QTMAN: variants seen among roughly 807,000 people sequenced by gnomAD.
QTMAN encodes queuosine-tRNA mannosyltransferase.
At chr2:144,092,237 A>T in the QTMAN span, among the ~76,000 whole-genome samples, 1 of 150,370 alleles carries the variant, frequency 6.7e-6, no homozygotes, top group Non-Finnish European at 1.5e-5. Context: ...GTGCAGTGGC[A>T]TGATCTCGGC....
the QTMAN span, among the ~76,000 whole-genome samples, chr2:144,208,201 C>T: frequency 1.3e-5 from 2 of 152,306 alleles, no homozygotes; most frequent in East Asian, 1.9e-4. Flanking sequence ...TCTCATTGCA[C>T]TTGCCTATCT....
the QTMAN span, chr2:143,944,761 C>T: frequency 5.9e-5 from 9 of 152,186 alleles, no homozygotes; most frequent in African/African-American, 1.4e-4. Flanking sequence ...AGCTTTTGTC[C>T]TGGAAGGAAT....
chr2:144,151,488 C>T, the QTMAN span, among the ~76,000 whole-genome samples: 2 of 151,824 alleles, frequency 1.3e-5, no homozygotes, highest in Non-Finnish European at 1.5e-5. Flanking sequence ...AAGAAGACAG[C>T]AAGAAGAAAA....
At chr2:144,254,414 T>A in the QTMAN span, among the ~76,000 whole-genome samples, 1 of 152,106 alleles carries the variant, frequency 6.6e-6, no homozygotes, top group African/African-American at 2.4e-5. Context: ...AGGGTGAGAC[T>A]CTGTCTCTAA....
chr2:144,057,636 T>C, the QTMAN span, among the ~76,000 whole-genome samples: 1 of 152,226 alleles, frequency 6.6e-6, no homozygotes, highest in Non-Finnish European at 1.5e-5. Context: ...CATGTGTCTA[T>C]GTTGATTTTT....
At chr2:144,016,596 A>C in the QTMAN span, among the ~76,000 whole-genome samples, 1 of 152,182 alleles carries the variant, frequency 6.6e-6, no homozygotes, top group Non-Finnish European at 1.5e-5. Flanking sequence ...GAAACCCTAA[A>C]AATGGTCTCT....
At chr2:144,238,344 C>G in the QTMAN span, among the ~76,000 whole-genome samples, 1 of 152,186 alleles carries the variant, frequency 6.6e-6, no homozygotes, top group Non-Finnish European at 1.5e-5. Flanking sequence ...CTCATAGACT[C>G]TAAGTAGCAA....
the QTMAN span, among the ~76,000 whole-genome samples, chr2:144,072,683 A>T: frequency 1.6e-4 from 25 of 152,332 alleles, no homozygotes; most frequent in African/African-American, 5.8e-4. Context: ...ACAGAATCAG[A>T]CAACAGAGAG....
chr2:144,286,199 T>A, the QTMAN span, among the ~76,000 whole-genome samples: 4 of 152,326 alleles, frequency 2.6e-5, no homozygotes, highest in South Asian at 4.1e-4. Flanking sequence ...CCACATCATC[T>A]AACACAAAGT....
the QTMAN span, among the ~76,000 whole-genome samples, chr2:144,075,973 G>A: frequency 6.6e-6 from 1 of 152,230 alleles, no homozygotes; most frequent in Admixed American, 6.5e-5. Flanking sequence ...TGTATGCCGG[G>A]TGCAGTGGCT....
chr2:144,141,599 A>G, the QTMAN span, among the ~76,000 whole-genome samples: 97 of 150,596 alleles, frequency 6.4e-4, no homozygotes, highest in African/African-American at 1.5e-3. Flanking sequence ...AAAAAAAAAA[A>G]AAAGAAAGAA....
At chr2:144,039,914 T>C in the QTMAN span, among the ~76,000 whole-genome samples, 1 of 152,230 alleles carries the variant, frequency 6.6e-6, no homozygotes, top group Non-Finnish European at 1.5e-5. Context: ...TGACAAAATG[T>C]CATTGAAGCT....
the QTMAN span, among the ~76,000 whole-genome samples, chr2:144,320,218 G>A: frequency 6.6e-6 from 1 of 152,142 alleles, no homozygotes; most frequent in Non-Finnish European, 1.5e-5. Context: ...TCAGGCTATA[G>A]TGGCCAACTT....
chr2:144,054,028 A>C, the QTMAN span, among the ~76,000 whole-genome samples: 1 of 151,860 alleles, frequency 6.6e-6, no homozygotes, highest in African/African-American at 2.4e-5. Flanking sequence ...TCTACTAAAA[A>C]ATACAAAAAA....
chr2:144,034,017 G>C, the QTMAN span, among the ~76,000 whole-genome samples: 1 of 152,166 alleles, frequency 6.6e-6, no homozygotes, highest in African/African-American at 2.4e-5. Flanking sequence ...GTAAGTCTTC[G>C]AATATCCAGG....
chr2:144,163,288 A>T, the QTMAN span, among the ~76,000 whole-genome samples: 1 of 151,902 alleles, frequency 6.6e-6, no homozygotes, highest in Admixed American at 6.6e-5. Flanking sequence ...TTACTTTTAA[A>T]ATTTAAAAAA....
chr2:143,968,977 C>A, the QTMAN span, among the ~76,000 whole-genome samples: 257 of 152,304 alleles, frequency 1.7e-3, 4 homozygotes, highest in African/African-American at 5.9e-3. Flanking sequence ...GATCTAGGCT[C>A]CCTATTCCTT....
At chr2:144,264,588 T>C in the QTMAN span, among the ~76,000 whole-genome samples, 1 of 152,110 alleles carries the variant, frequency 6.6e-6, no homozygotes, top group Non-Finnish European at 1.5e-5. Flanking sequence ...TTTAAACATA[T>C]CTAAAAGGAG....
At chr2:144,221,952 T>A in the QTMAN span, among the ~76,000 whole-genome samples, 1,080 of 152,328 alleles carry the variant, frequency 7.1e-3, 9 homozygotes, top group Middle Eastern at 0.014. Context: ...TCTACTTACA[T>A]ATAAGGAATC....
Sources: gnomAD v4.1 joint callset for allele counts (sites outside exome capture counted in the v4.1 genomes callset) on GRCh38, gnomAD v4.1.1 for gene constraint, MANE v1.5 for transcripts, NCBI Gene and HGNC (gene_info 2026-07-23, HGNC 2026-07-21) for gene names.